LYST: variants seen among roughly 807,000 people sequenced by gnomAD.
LYST encodes the protein lysosomal-trafficking regulator.
In LYST, 192 loss-of-function variants were observed where a neutral mutation model predicts 413.6. The ratio of observed to expected loss-of-function variants is 0.46; its 90% confidence interval spans 0.41 to 0.52. The LOEUF (loss-of-function observed/expected upper bound fraction) is 0.52, where lower values mean the gene tolerates loss of function less well. Among genes scored for constraint, LYST ranks in the 20% least tolerant of loss-of-function variants. The probability of loss-of-function intolerance (pLI) is 0.00; values close to 1 mark genes in which losing one functional copy is unlikely to be tolerated. For synonymous variants in LYST, 1,525 were observed against 1,567.3 expected (o/e 0.97, Z 0.64); for missense variants, 3,815 against 4,499.9 (o/e 0.85, Z 4.35).
chr1:235,853,966 T>G (rs1432531626), intron 1 of LYST, among the ~76,000 whole-genome samples: 2 of 152,094 alleles, frequency 1.3e-5, no homozygotes, highest in African/African-American at 4.8e-5. Context: ...ATTGTAGCTA[T>G]AGAGAGAGAG....
intron 3 of LYST, chr1:235,827,351 A>G: frequency 1.3e-6 from 1 of 794,180 alleles, no homozygotes; most frequent in Non-Finnish European, 1.5e-6. Context: ...CCTGGGTGAA[A>G]AAGTGAGACT....
At chr1:235,737,951 CCGGA>C in intron 31 of LYST, 8 of 1,247,062 alleles carry the variant, frequency 6.4e-6, no homozygotes, top group South Asian at 5.5e-5. Context: ...CCAACACCCG[CCGGA>C]CGTGCATTCT....
intron 39 of LYST, among the ~76,000 whole-genome samples, chr1:235,721,533 G>A (rs990827889): frequency 4.6e-5 from 7 of 152,028 alleles, no homozygotes; most frequent in Admixed American, 3.3e-4. Flanking sequence ...CAGACAAGAC[G>A]AGCTTTGCTA....
intron 9 of LYST, 84 bp from the exon 10 acceptor site, chr1:235,800,470 T>C (rs569185428): frequency 4.4e-5 from 35 of 788,918 alleles, no homozygotes; most frequent in Non-Finnish European, 6.8e-5. Context: ...AATTCTATGA[T>C]AGGGTATCTA....
At chr1:235,782,612 C>T (rs1443319389) in intron 14 of LYST, among the ~76,000 whole-genome samples, 3 of 152,146 alleles carry the variant, frequency 2.0e-5, no homozygotes, top group Admixed American at 1.3e-4. Flanking sequence ...GATGATCCCA[C>T]GGCAGGCCAT....
chr1:235,779,828 A>T (rs74442388), intron 16 of LYST, among the ~76,000 whole-genome samples: 5,115 of 152,266 alleles, frequency 0.034, 272 homozygotes, highest in African/African-American at 0.12. Context: ...ATTCCAAAAC[A>T]GTAGTCTCCT....
At chr1:235,857,941 CA>C (rs1161129881) in intron 1 of LYST, among the ~76,000 whole-genome samples, 1 of 152,082 alleles carries the variant, frequency 6.6e-6, no homozygotes, top group East Asian at 1.9e-4. Flanking sequence ...CGATTTTATC[CA>C]CTTTTAAGAT....
intron 1 of LYST, among the ~76,000 whole-genome samples, chr1:235,857,721 A>C (rs531962781): frequency 1.4e-5 from 2 of 147,380 alleles, no homozygotes; most frequent in African/African-American, 5.0e-5. Flanking sequence ...ACACACGTAT[A>C]TATACACAAA....
chr1:235,715,233 G>A lies in LYST; in HGVS notation c.9752C>T (p.Pro3251Leu). Reference sequence around the variant, plus strand: ...GGCTAAAAACATTTTAGTGAAAGGAGGCATCCTGACCAGGAAGTGAAGCAC... The same window carrying A: ...GGCTAAAAACATTTTAGTGAAAGGAAGCATCCTGACCAGGAAGTGAAGCAC... ...GTVLHFLVRM[P>L]PFTKMFLAYQ... Residue 3251 changes from proline to leucine, a missense_variant, in exon 42 of 53, where the codon CCT (proline) becomes CTT (leucine). Physicochemically the swap from Pro to Leu is moderately conservative, Grantham distance 98 (BLOSUM62 -3). Around this residue, in one of 4 missense-constraint regions of LYST, gnomAD observed 866 missense variants for 1,156.0 expected, o/e 0.75. Transcript: ENST00000389793. 1.2e-6 allele frequency: 2 copies of A among 1,613,986 alleles called. No homozygotes were observed. Among genetic ancestry groups the A allele is most frequent in the Non-Finnish European group, 1.7e-6 (2 of 1,179,948 alleles).
Position 235,728,202 on chromosome 1 carries a change from G to T in LYST, c.9107-71C>A, listed in dbSNP as rs574620429. 1.5e-4 allele frequency: 161 copies of T among 1,055,456 alleles called. 2 individuals are homozygous for T. The African/African-American group carries it at 2.4e-3, about 16-fold the overall frequency. 65.4% of individuals were successfully genotyped at this position (1,055,456 alleles called of 1,614,324 possible). A position where few individuals can be genotyped will look rare whatever the true frequency, so the allele number is the denominator to read the frequency against. ...ACTACCATTCATGGTTTAATGCATG[G>T]TCTCTGGAGTCCTTTGGTCTGAATT... is the stretch of plus-strand genomic sequence containing the variant. On this transcript the variant is annotated intron_variant, in intron 37 of 52. Transcript: ENST00000389793.
At position 235,833,615 on chromosome 1, in the gene LYST, T is replaced by A. The variant is rs1421436574; in HGVS notation, c.-45A>T. The stretch of plus-strand genomic sequence containing the variant: ...ACTGCTGTGACATTTACAGTCTATA[T>A]CATTTGGACTCATAAACTAGATGAA... On this transcript the variant is annotated 5_prime_UTR_variant, in exon 2 of 53. Transcript: ENST00000389793. 1.1e-6 allele frequency: 1 copy of A among 943,924 alleles called. No individual in the cohort carries two copies. Among genetic ancestry groups the A allele is most frequent in the Non-Finnish European group, 1.3e-6 (1 of 792,106 alleles). 58.5% of individuals were successfully genotyped at this position (943,924 alleles called of 1,614,324 possible).
At chr1:235,775,284 T>C (rs956954016) in intron 17 of LYST, among the ~76,000 whole-genome samples, 198 bp from the exon 18 acceptor site, 63 of 152,294 alleles carry the variant, frequency 4.1e-4, no homozygotes, top group African/African-American at 1.4e-3. Context: ...CTATAGTCTC[T>C]TATATATACT....
At chr1:235,758,238 A>C (rs1241935477) in intron 23 of LYST, among the ~76,000 whole-genome samples, 2 of 152,222 alleles carry the variant, frequency 1.3e-5, no homozygotes, top group Non-Finnish European at 2.9e-5. Flanking sequence ...TCACCAAAGC[A>C]AGGTCATCTG....
chr1:235,853,930 C>T (rs1304117611), intron 1 of LYST, among the ~76,000 whole-genome samples: 1 of 152,056 alleles, frequency 6.6e-6, no homozygotes. Context: ...GCCCTGAGCA[C>T]CGCAAAAGGG....
At chr1:235,754,308 C>T (rs1666792635) in intron 25 of LYST, among the ~76,000 whole-genome samples, 1 of 142,150 alleles carries the variant, frequency 7.0e-6, no homozygotes, top group Admixed American at 7.5e-5. Flanking sequence ...TCCTGGCTCA[C>T]TGTAACCTCT....
Position 235,830,412 on chromosome 1 carries a change from G to C in LYST, c.6C>G (p.Ser2Arg). ...CACGTGCCAGTGAGTTACTGTCGGT[G>C]CTCATGACCGAGCTATAAAATAAGT... M[S>R]TDSNSLAREF... is the part of the protein sequence containing the mutation. Residue 2 changes from serine to arginine, a missense_variant, in exon 3 of 53, where the codon AGC (serine) becomes AGG (arginine). Ser to Arg is a moderately radical substitution (Grantham distance 110). Around this residue, in one of 4 missense-constraint regions of LYST, gnomAD observed 1,648 missense variants for 1,810.3 expected, o/e 0.91. Transcript: ENST00000389793. 6.2e-7 allele frequency: 1 copy of C among 1,610,816 alleles called. No homozygotes were observed. Among genetic ancestry groups the C allele is most frequent in the Non-Finnish European group, 8.5e-7 (1 of 1,177,886 alleles).
chr1:235,779,800 C>T (rs1003888496), intron 16 of LYST, among the ~76,000 whole-genome samples: 1 of 152,078 alleles, frequency 6.6e-6, no homozygotes, highest in Non-Finnish European at 1.5e-5. Context: ...AACAACAACA[C>T]CACAAACAAC....
In LYST at chr1:235,806,380, G is replaced by A. The variant is rs369772005; in HGVS notation, c.2756C>T (p.Ser919Leu). 48 of 1,613,892 alleles carry A rather than the reference G, an allele frequency of 3.0e-5. No individual in the cohort carries two copies. The African/African-American group carries it at 4.4e-4, about 15-fold the overall frequency. ...VSKEAESDRE[S>L]ANDSEDTSGY... is the part of the protein sequence containing the mutation. Reference sequence around the variant, plus strand: ...AGAAGTATCTTCTGAGTCATTGGCCGACTCCCTGTCAGACTCTGCTTCTTT... The same window carrying A: ...AGAAGTATCTTCTGAGTCATTGGCCAACTCCCTGTCAGACTCTGCTTCTTT... The change falls in exon 6 of 53, where the codon TCG becomes TTG. Residue 919 changes from serine to leucine, a missense_variant. Coordinates refer to ENST00000389793, the MANE Select transcript of LYST (RefSeq NM_000081.4).
chr1:235,689,991 C>T (rs771449949), intron 47 of LYST, among the ~76,000 whole-genome samples: 69 of 152,186 alleles, frequency 4.5e-4, no homozygotes, highest in Non-Finnish European at 2.9e-5. Context: ...TTTGTCCTCT[C>T]TTCACACCAC....
Sources: gnomAD v4.1 joint callset for allele counts (sites outside exome capture counted in the v4.1 genomes callset) on GRCh38, gnomAD v4.1.1 for gene constraint, gnomAD v4.1.1 regional missense constraint, MANE v1.5 for transcripts, NCBI Gene and HGNC (gene_info 2026-07-23, HGNC 2026-07-21) for gene names.